The following CHD8 variants were observed in gnomAD, a reference collection of about 807,000 sequenced individuals.
The protein encoded by CHD8 is ATP-dependent chromatin remodeler CHD8.
Under a neutral mutation model 279.2 loss-of-function variants are expected in CHD8, and 31 were observed. That is an observed-to-expected ratio of 0.11 (90% CI 0.08 to 0.15). CHD8 has a LOEUF of 0.15. CHD8 is among the 10% of genes least tolerant of loss of function. CHD8 has a pLI of 1.00. For synonymous variants in CHD8, 1,081 were observed against 1,139.6 expected (o/e 0.95, Z 1.04); for missense variants, 2,146 against 3,230.5 (o/e 0.66, Z 8.14).
At chr14:21,395,562 CAA>C (rs1887745992) in intron 28 of CHD8, 1 of 592,752 alleles carries the variant, frequency 1.7e-6, no homozygotes, top group Admixed American at 3.1e-5. Flanking sequence ...ATTAACGACT[CAA>C]AGATAATAGA....
At position 21,408,817 on chromosome 14, in the gene CHD8, C is replaced by A. The variant is rs61752838; in HGVS notation, c.2373G>T (p.Pro791=). ...CCAATTTCTTCCAGGCACTTGCCTG[C>A]GGACGATTCTAAAAAACAAGACGTT... ...RHPELKRVNR[P]QASAWKKLEL... Residue 791 remains proline (P), a synonymous_variant, in exon 12 of 38, where the codon CCG becomes CCT. Coordinates refer to ENST00000646647, the MANE Select transcript of CHD8 (RefSeq NM_001170629.2). This position sits in a 1 kb window ranked among gnomAD's most constrained non-coding sequence, Gnocchi z 4.3. 3.1e-6 allele frequency: 5 copies of A among 1,606,740 alleles called. No individual in the cohort carries two copies. The Admixed American group carries it at 5.1e-5, about 16-fold the overall frequency.
At chr14:21,423,488 G>C (rs1889146150) in intron 5 of CHD8, among the ~76,000 whole-genome samples, 1 of 151,956 alleles carries the variant, frequency 6.6e-6, no homozygotes, top group Non-Finnish European at 1.5e-5. Flanking sequence ...TCTCAACACA[G>C]TTGCATGGGG....
At position 21,409,885 on chromosome 14, in the gene CHD8, C is replaced by T. The variant is rs376714202; in HGVS notation, c.2330G>A (p.Arg777Gln). 3.2e-5 allele frequency: 51 copies of T among 1,613,508 alleles called. 1 individual carries two copies. Among genetic ancestry groups the T allele is most frequent in the Middle Eastern group, 1.6e-4 (1 of 6,078 alleles). The change falls in exon 11 of 38, where the codon CGG becomes CAG. Residue 777 changes from arginine to glutamine, a missense_variant. This residue lies in a region of CHD8 where 211 missense variants were observed against 464.7 expected (regional missense o/e 0.45). Transcript: ENST00000646647. ...VDEGKIREFK[R>Q]IQSRHPELKR... The stretch of plus-strand genomic sequence containing the variant: ...GAGTTCTGGGTGCCTTGACTGAATC[C>T]GTTTAAATTCTCGAATCTTGCCCTC...
In CHD8 at chr14:21,394,403, G is replaced by A. The variant is rs1200013069; in HGVS notation, c.5473C>T (p.His1825Tyr). The A allele has an allele frequency of 6.2e-7, 1 of 1,613,752 alleles. No individual in the cohort carries two copies. The highest frequency in any genetic ancestry group is 2.2e-5 in the East Asian group (1 of 44,888). Residue 1825 changes from histidine to tyrosine, a missense_variant, in exon 31 of 38, where the codon CAT becomes TAT. Around this residue, in one of 26 missense-constraint regions of CHD8, gnomAD observed 513 missense variants for 637.6 expected, o/e 0.80. Coordinates refer to ENST00000646647, the MANE Select transcript of CHD8 (RefSeq NM_001170629.2). ...VEYDPDTMQF[H>Y]WDRFRTFARL... ...GCAAAAGTGCGGAAGCGATCCCAAT[G>A]GAACTGCATGGTGTCAGGGTCATAT...
intron 1 of CHD8, among the ~76,000 whole-genome samples, chr14:21,438,512 T>A (rs1213260196): frequency 3.6e-5 from 4 of 112,506 alleles, no homozygotes; most frequent in African/African-American, 6.9e-5. Flanking sequence ...CCTAGTCTCT[T>A]AAAAAAAAAA....
At chr14:21,437,364 G>A (rs776705045) in intron 1 of CHD8, 3 of 690,124 alleles carry the variant, frequency 4.3e-6, no homozygotes, top group East Asian at 2.0e-4. Flanking sequence ...CAAAGGGTGG[G>A]ACTATAAGGA....
At position 21,409,945 on chromosome 14, in the gene CHD8, T is replaced by C. The variant is rs758081443; in HGVS notation, c.2270A>G (p.Glu757Gly). 1 of 1,613,454 alleles carries C rather than the reference T, an allele frequency of 6.2e-7. No homozygotes were observed. Among genetic ancestry groups the C allele is most frequent in the South Asian group, 1.1e-5 (1 of 91,046 alleles). The change falls in exon 11 of 38, where the codon GAG becomes GGG. Residue 757 changes from glutamate to glycine, a missense_variant. Coordinates refer to ENST00000646647, the MANE Select transcript of CHD8 (RefSeq NM_001170629.2). ...TTCTTTTAGCTCCCATGTGCTATCC[T>C]CATAGGGCAGAGAGCACCATTTCAC... ...YLVKWCSLPY[E>G]DSTWELKEDV...
rs753813972 is a variant in CHD8 at position 21,456,062 on chromosome 14, C to T, written c.-246G>A. On this transcript the variant is annotated 5_prime_UTR_variant, in exon 1 of 38. Transcript: ENST00000646647. ...CAAGTCCTGGTACTTCCTTTCCAGGCAGCGTTTCAACTCACCCTCTCCGAG... is the reference window on the plus strand; with the variant it reads ...CAAGTCCTGGTACTTCCTTTCCAGGTAGCGTTTCAACTCACCCTCTCCGAG... 6.6e-6 allele frequency: 1 copy of T among 152,144 alleles called. No individual in the cohort carries two copies. Among genetic ancestry groups the T allele is most frequent in the Non-Finnish European group, 1.5e-5 (1 of 68,174 alleles). The allele number at this position is 152,144 out of a possible 1,614,324, so 9.4% of individuals were successfully genotyped here. A position where few individuals can be genotyped will look rare whatever the true frequency, so the allele number is the denominator to read the frequency against.
chr14:21,415,817 C>T lies in CHD8; in HGVS notation c.1807G>A (p.Asp603Asn), dbSNP rs887305455. The change falls in exon 6 of 38, where the codon GAT becomes AAT. Residue 603 changes from aspartate to asparagine, a missense_variant. Coordinates refer to ENST00000646647, the MANE Select transcript of CHD8 (RefSeq NM_001170629.2). The part of the protein sequence containing the change: ...ITDDEEEEEV[D>N]VTGPIKPEPI... The stretch of plus-strand genomic sequence containing the variant: ...TCAGGTTTTATTGGACCAGTTACAT[C>T]CACCTCTTCTTCTTCTTCATCATCT... 1.9e-6 allele frequency: 3 copies of T among 1,613,884 alleles called. No homozygotes were observed. The highest frequency in any genetic ancestry group is 2.5e-6 in the Non-Finnish European group (3 of 1,179,800).
At chr14:21,426,047 C>A (rs758872364) in intron 5 of CHD8, 81 bp downstream of exon 5, 1 of 843,492 alleles carries the variant, frequency 1.2e-6, no homozygotes, top group South Asian at 1.5e-5. Context: ...TATAGACTTA[C>A]GATTTCTCAA....
chr14:21,405,160 T>C lies in CHD8; in HGVS notation c.3307+49A>G. 1.9e-6 allele frequency: 3 copies of C among 1,586,860 alleles called. No individual in the cohort carries two copies. The highest frequency in any genetic ancestry group is 1.1e-5 in the South Asian group (1 of 88,920). On this transcript the variant is annotated intron_variant, in intron 16 of 37. Transcript: ENST00000646647. The surrounding 1 kb of genome is among the most constrained non-coding windows in gnomAD (Gnocchi z 4.2). ...TCCCCAAGGAGAATCATCCGGAAAG[T>C]AAACACAGGTACTACAGAAGTTCAG...
intron 2 of CHD8, chr14:21,429,653 C>T: frequency 2.4e-6 from 1 of 423,604 alleles, no homozygotes; most frequent in South Asian, 1.9e-5. Flanking sequence ...CTGGTGGTCC[C>T]TTGCTCCTGG....
At position 21,402,436 on chromosome 14, in the gene CHD8, T is replaced by C; in HGVS notation, c.3782A>G (p.Asn1261Ser). 6.2e-7 allele frequency: 1 copy of C among 1,613,992 alleles called. No individual in the cohort carries two copies. Among genetic ancestry groups the C allele is most frequent in the Non-Finnish European group, 8.5e-7 (1 of 1,179,874 alleles). ...ATCAAACATCTCTCTCTCGTAGGAA[T>C]TACGAGTGATGAGGCGGTACACCTT... ...AVKVYRLITR[N>S]SYEREMFDKA... Residue 1261 changes from asparagine to serine, a missense_variant, in exon 19 of 38, where the codon AAT (asparagine) becomes AGT (serine). Physicochemically the swap from Asn to Ser is conservative, Grantham distance 46. Coordinates refer to ENST00000646647, the MANE Select transcript of CHD8 (RefSeq NM_001170629.2). The surrounding 1 kb of genome is among the most constrained non-coding windows in gnomAD (Gnocchi z 4.5).
chr14:21,430,354 C>G (rs1889515518), intron 2 of CHD8: 1 of 159,168 alleles, frequency 6.3e-6, no homozygotes, highest in Non-Finnish European at 1.4e-5. Context: ...AGGAGGGGGA[C>G]AATCTTAGTA....
At chr14:21,394,699 A>G (rs1435313856) in intron 30 of CHD8, 8 of 637,804 alleles carry the variant, frequency 1.3e-5, no homozygotes, top group Non-Finnish European at 2.1e-5. Flanking sequence ...GACACAGACA[A>G]ATATCAATGA....
At chr14:21,404,418 A>G (rs926678229) in intron 16 of CHD8, among the ~76,000 whole-genome samples, 1 of 151,896 alleles carries the variant, frequency 6.6e-6, no homozygotes, top group African/African-American at 2.4e-5. Flanking sequence ...AAAAAAAAAA[A>G]AACTTAAATC....
At chr14:21,441,628 C>T (rs913154062) in intron 1 of CHD8, among the ~76,000 whole-genome samples, 2 of 152,322 alleles carry the variant, frequency 1.3e-5, no homozygotes, top group South Asian at 4.1e-4. Flanking sequence ...GTGGCTCATG[C>T]CTGTAATCCC....
At chr14:21,404,226 T>C (rs1267089084) in intron 16 of CHD8, among the ~76,000 whole-genome samples, 1 of 151,652 alleles carries the variant, frequency 6.6e-6, no homozygotes, top group African/African-American at 2.4e-5. Context: ...GGCGAAACCC[T>C]GTCTCTACTA....
Position 21,402,201 on chromosome 14 carries a change from T to C in CHD8, c.3883-65A>G. The C allele has an allele frequency of 1.4e-6, 2 of 1,449,046 alleles. No individual in the cohort carries two copies. The highest frequency in any genetic ancestry group is 1.9e-6 in the Non-Finnish European group (2 of 1,061,862). The allele number at this position is 1,449,046 out of a possible 1,614,324, so 89.8% of individuals were successfully genotyped here. A position where few individuals can be genotyped will look rare whatever the true frequency, so the allele number is the denominator to read the frequency against. The stretch of plus-strand genomic sequence containing the variant: ...AATAATATCTAACCATGCCATAATA[T>C]TTTAGCTATTATATTTTAAGAAATA... On this transcript the variant is annotated intron_variant, in intron 19 of 37. Transcript: ENST00000646647. The surrounding 1 kb of genome is among the most constrained non-coding windows in gnomAD (Gnocchi z 4.5).
Sources: allele counts gnomAD v4.1 joint callset (sites outside exome capture counted in the v4.1 genomes callset), GRCh38; gene constraint gnomAD v4.1.1; regional missense constraint gnomAD v4.1.1; non-coding constraint Gnocchi (gnomAD v3.1); transcripts MANE v1.5; gene names NCBI Gene and HGNC (gene_info 2026-07-23, HGNC 2026-07-21).